The following RANBP2 variants were observed in gnomAD, a reference collection of about 807,000 sequenced individuals.
RANBP2 encodes the protein E3 SUMO-protein ligase RanBP2.
RANBP2 carries 57 observed loss-of-function variants against 303.6 expected under a neutral mutation model. That is an observed-to-expected ratio of 0.19 (90% CI 0.15 to 0.23). The LOEUF is 0.23. Among genes scored for constraint, RANBP2 ranks in the 10% least tolerant of loss-of-function variants. The pLI is 1.00. For synonymous variants in RANBP2, 1,167 were observed against 1,301.5 expected, an observed-to-expected ratio of 0.90 and a Z score of 2.23; for missense variants, 3,138 against 3,780.8, an observed-to-expected ratio of 0.83 and a Z score of 4.46.
rs2149275917 is a variant in RANBP2 at position 108,765,021 on chromosome 2, G to A, written c.4482G>A (p.Gly1494=). ...GTGCATGTTTGGTACAAAATGAGGG[G>A]AGCTCTACAAAATGTGCTGCTTGTC... ...DCSACLVQNE[G]SSTKCAACQN... The change falls in exon 20 of 29, where the codon GGG becomes GGA. Residue 1494 remains glycine (G), a synonymous_variant. Transcript: ENST00000283195. The A allele has an allele frequency of 9.3e-6, 15 of 1,612,600 alleles. No individual in the cohort carries two copies. The highest frequency in any genetic ancestry group is 1.2e-5 in the Non-Finnish European group (14 of 1,179,534).
the RANBP2 span, among the ~76,000 whole-genome samples, chr2:108,989,712 A>AC: frequency 6.6e-6 from 1 of 151,764 alleles, no homozygotes; most frequent in Admixed American, 6.6e-5. Flanking sequence ...AACCATACAC[A>AC]CCCCCCGTAT....
At chr2:108,832,805 C>T in the RANBP2 span, among the ~76,000 whole-genome samples, 5 of 152,112 alleles carry the variant, frequency 3.3e-5, no homozygotes, top group African/African-American at 7.2e-5. Flanking sequence ...TTAGTCGTGA[C>T]GTGTATCTAT....
chr2:109,736,723 G>T, the RANBP2 span, among the ~76,000 whole-genome samples: 2 of 152,144 alleles, frequency 1.3e-5, no homozygotes, highest in Non-Finnish European at 2.9e-5. Context: ...TTTTCCCAGA[G>T]AATCTTAGAA....
intron 18 of RANBP2, among the ~76,000 whole-genome samples, chr2:108,760,670 A>C (rs1676670823): frequency 6.6e-6 from 1 of 152,200 alleles, no homozygotes; most frequent in Non-Finnish European, 1.5e-5. Context: ...CATGGTCAAC[A>C]ATTCATGCAA....
the RANBP2 span, among the ~76,000 whole-genome samples, chr2:109,158,379 G>C: frequency 1.3e-5 from 2 of 152,220 alleles, no homozygotes; most frequent in Admixed American, 1.3e-4. Context: ...AGAATCCAGT[G>C]TGTAAGTGCA....
chr2:109,743,228 A>T, the RANBP2 span, among the ~76,000 whole-genome samples: 1 of 148,836 alleles, frequency 6.7e-6, no homozygotes, highest in East Asian at 1.9e-4. Flanking sequence ...CCACGATGGC[A>T]TCACTGCACT....
At chr2:109,465,405 A>G in the RANBP2 span, among the ~76,000 whole-genome samples, 327 of 152,252 alleles carry the variant, frequency 2.1e-3, 2 homozygotes, top group Non-Finnish European at 1.9e-3. Flanking sequence ...GAAACTGCCA[A>G]CTCTCTTCCA....
At chr2:109,403,468 T>C in the RANBP2 span, among the ~76,000 whole-genome samples, 3 of 152,356 alleles carry the variant, frequency 2.0e-5, no homozygotes, top group South Asian at 6.2e-4. Flanking sequence ...GCTGTACTTC[T>C]GTGCCAGCCC....
the RANBP2 span, among the ~76,000 whole-genome samples, chr2:108,904,988 G>A: frequency 6.6e-6 from 1 of 152,174 alleles, no homozygotes; most frequent in Non-Finnish European, 1.5e-5. Flanking sequence ...GGATCTCTCT[G>A]TATTATCTCT....
the RANBP2 span, among the ~76,000 whole-genome samples, chr2:109,318,730 C>T: frequency 2.0e-5 from 3 of 152,166 alleles, no homozygotes; most frequent in African/African-American, 7.2e-5. Context: ...GGCCAGCCGC[C>T]AGATACTGAC....
At chr2:108,947,814 C>T in the RANBP2 span, among the ~76,000 whole-genome samples, 1 of 152,194 alleles carries the variant, frequency 6.6e-6, no homozygotes, top group African/African-American at 2.4e-5. Flanking sequence ...CTGACATGCC[C>T]TGGAGACATT....
chr2:108,977,282 T>C, the RANBP2 span, among the ~76,000 whole-genome samples: 1 of 152,114 alleles, frequency 6.6e-6, no homozygotes, highest in African/African-American at 2.4e-5. Context: ...CCTTTTCTTT[T>C]TTTTGAGATG....
chr2:109,402,373 T>C, the RANBP2 span, among the ~76,000 whole-genome samples: 1 of 152,242 alleles, frequency 6.6e-6, no homozygotes, highest in African/African-American at 2.4e-5. Context: ...AGGCCCAGGA[T>C]TCTGTGGTCA....
At chr2:109,120,340 C>T in the RANBP2 span, among the ~76,000 whole-genome samples, 1 of 152,194 alleles carries the variant, frequency 6.6e-6, no homozygotes. Flanking sequence ...AGGGGTCAAC[C>T]CCTCCCCTCA....
At chr2:109,227,654 A>G in the RANBP2 span, among the ~76,000 whole-genome samples, 1 of 152,160 alleles carries the variant, frequency 6.6e-6, no homozygotes, top group Non-Finnish European at 1.5e-5. Flanking sequence ...TTCATGGGGT[A>G]CACGGCAGCT....
chr2:109,316,077 C>A, the RANBP2 span, among the ~76,000 whole-genome samples: 1 of 152,146 alleles, frequency 6.6e-6, no homozygotes, highest in South Asian at 2.1e-4. Flanking sequence ...TAGAAAAGTG[C>A]ATTTCCAGTA....
the RANBP2 span, among the ~76,000 whole-genome samples, chr2:108,880,588 G>A: frequency 2.0e-5 from 3 of 152,162 alleles, no homozygotes; most frequent in African/African-American, 7.2e-5. Context: ...TGAAGGCAAT[G>A]CTCATTTGCC....
the RANBP2 span, among the ~76,000 whole-genome samples, chr2:109,349,559 G>A: frequency 6.6e-6 from 1 of 152,188 alleles, no homozygotes. Flanking sequence ...TCATGACCAA[G>A]AGCAGGGACC....
At chr2:109,538,825 G>T in the RANBP2 span, among the ~76,000 whole-genome samples, 2 of 152,128 alleles carry the variant, frequency 1.3e-5, no homozygotes, top group African/African-American at 4.8e-5. Context: ...GGCCTGCATT[G>T]TCTTTGTTAT....
Sources: allele counts gnomAD v4.1 joint callset (sites outside exome capture counted in the v4.1 genomes callset), GRCh38; gene constraint gnomAD v4.1.1; transcripts MANE v1.5; gene names NCBI Gene and HGNC (gene_info 2026-07-23, HGNC 2026-07-21).